Variants in PPM1L observed in about 807,000 individuals in gnomAD.
PPM1L encodes protein phosphatase 1L.
A neutral mutation model predicts 31.4 loss-of-function variants in PPM1L; 13 were observed. That is an observed-to-expected ratio of 0.41 (90% CI 0.27 to 0.66). PPM1L has a LOEUF of 0.66. Among genes scored for constraint, PPM1L ranks in the 30% least tolerant of loss-of-function variants. The pLI, the probability that PPM1L is intolerant of heterozygous loss-of-function variation, is 0.29. For missense variants in PPM1L, 326 were observed against 453.7 expected, an observed-to-expected ratio of 0.72 and a Z score of 2.56; for synonymous variants, 184 against 175.4, an observed-to-expected ratio of 1.05 and a Z score of -0.39.
intron 1 of PPM1L, among the ~76,000 whole-genome samples, chr3:160,944,487 G>T (rs1020969811): frequency 1.3e-5 from 2 of 150,234 alleles, no homozygotes; most frequent in Non-Finnish European, 3.0e-5. Flanking sequence ...ACTGCTAAAA[G>T]ACTACAATTT....
chr3:160,912,996 A>G (rs1212499327), intron 1 of PPM1L, among the ~76,000 whole-genome samples: 1 of 152,204 alleles, frequency 6.6e-6, no homozygotes, highest in African/African-American at 2.4e-5. Flanking sequence ...TGGTGGCATT[A>G]CATACTGTGA....
At chr3:160,835,010 T>TTACTAC (rs934250628) in intron 1 of PPM1L, among the ~76,000 whole-genome samples, 2 of 143,008 alleles carry the variant, frequency 1.4e-5, no homozygotes, top group Non-Finnish European at 3.0e-5. Flanking sequence ...TGACAACCTA[T>TTACTAC]TACTACTACT....
chr3:160,939,730 A>C (rs2108086260), intron 1 of PPM1L: 1 of 167,052 alleles, frequency 6.0e-6, no homozygotes, highest in Admixed American at 6.4e-5. Context: ...AAATCCAATT[A>C]AACCTCTTTT....
chr3:160,973,407 C>G (rs556246773), intron 2 of PPM1L, among the ~76,000 whole-genome samples: 1 of 152,216 alleles, frequency 6.6e-6, no homozygotes, highest in Non-Finnish European at 1.5e-5. Context: ...ATGCCAATGC[C>G]ATCGGTATCT....
intron 1 of PPM1L, among the ~76,000 whole-genome samples, chr3:160,914,322 G>A (rs540409092): frequency 3.6e-4 from 55 of 152,058 alleles, no homozygotes; most frequent in African/African-American, 1.3e-3. Flanking sequence ...AAGTTTTAGG[G>A]TACATGTGCA....
intron 2 of PPM1L, among the ~76,000 whole-genome samples, chr3:161,003,682 T>C (rs531148460): frequency 6.6e-6 from 1 of 152,338 alleles, no homozygotes; most frequent in East Asian, 1.9e-4. Flanking sequence ...TTTTTGTACA[T>C]TGATTTTGTA....
At position 161,073,727 on chromosome 3, in the gene PPM1L, A is replaced by C. The variant is rs961597027; in HGVS notation, c.*4570A>C. 1 of 152,218 alleles carries C rather than the reference A, an allele frequency of 6.6e-6. No individual in the cohort carries two copies. Among genetic ancestry groups the C allele is most frequent in the East Asian group, 1.9e-4 (1 of 5,176 alleles). 9.4% of individuals were successfully genotyped at this position (152,218 alleles called of 1,614,324 possible). On this transcript the variant is annotated 3_prime_UTR_variant, in exon 4 of 4. Transcript: ENST00000498165. ...CAGGCGGCCTCCACCACACCTGGCT[A>C]ATTTTTTGTATTTTTAGTAGAGACG...
intron 2 of PPM1L, among the ~76,000 whole-genome samples, chr3:160,972,357 A>T (rs1246695528): frequency 1.1e-4 from 8 of 71,728 alleles, no homozygotes; most frequent in Non-Finnish European, 1.3e-4. Context: ...CCCTCCCCCC[A>T]CCCCACAACA....
chr3:160,872,184 G>A (rs1301851265), intron 1 of PPM1L, among the ~76,000 whole-genome samples: 1 of 152,124 alleles, frequency 6.6e-6, no homozygotes, highest in Admixed American at 6.5e-5. Flanking sequence ...CAGTTTTTGG[G>A]GGCAAAGAGA....
intron 1 of PPM1L, among the ~76,000 whole-genome samples, chr3:160,865,947 T>G (rs1712071808): frequency 6.6e-6 from 1 of 152,210 alleles, no homozygotes; most frequent in South Asian, 2.1e-4. Context: ...TAAATATGTA[T>G]CTCTTAGCAT....
intron 2 of PPM1L, among the ~76,000 whole-genome samples, chr3:160,968,236 T>C (rs922967500): frequency 1.3e-5 from 2 of 152,236 alleles, no homozygotes; most frequent in African/African-American, 4.8e-5. Flanking sequence ...TGTATTAGCA[T>C]GTATTAATAC....
chr3:160,782,468 G>A (rs1036699513), intron 1 of PPM1L, among the ~76,000 whole-genome samples: 1 of 152,120 alleles, frequency 6.6e-6, no homozygotes. Context: ...GACAAAGTTG[G>A]CCTGTGCTTT....
At chr3:160,916,485 A>C (rs1422219952) in intron 1 of PPM1L, among the ~76,000 whole-genome samples, 1 of 152,182 alleles carries the variant, frequency 6.6e-6, no homozygotes, top group Non-Finnish European at 1.5e-5. Context: ...AATGTAACAC[A>C]TCTGCTATGA....
rs1227427765 is a variant in PPM1L at position 161,076,216 on chromosome 3, C to G, written c.*7059C>G. 1 of 152,134 alleles carries G rather than the reference C, an allele frequency of 6.6e-6. No individual in the cohort carries two copies. Among genetic ancestry groups the G allele is most frequent in the Admixed American group, 6.5e-5 (1 of 15,282 alleles). 9.4% of individuals were successfully genotyped at this position (152,134 alleles called of 1,614,324 possible). A position where few individuals can be genotyped will look rare whatever the true frequency, so the allele number is the denominator to read the frequency against. ...CATCTCTAACCCAAGAAAAAGATGT[C>G]TTTTGTATAACTTTTAAATTCCCAT... On this transcript the variant is annotated 3_prime_UTR_variant, in exon 4 of 4. Coordinates refer to ENST00000498165, the MANE Select transcript of PPM1L (RefSeq NM_139245.4).
intron 1 of PPM1L, among the ~76,000 whole-genome samples, chr3:160,887,018 G>T (rs774789494): frequency 3.3e-5 from 5 of 151,948 alleles, no homozygotes; most frequent in Admixed American, 6.6e-5. Context: ...GAACATAAAT[G>T]ACCTGATGGA....
intron 1 of PPM1L, among the ~76,000 whole-genome samples, chr3:160,894,003 A>T (rs1713246064): frequency 6.6e-6 from 1 of 152,178 alleles, no homozygotes; most frequent in South Asian, 2.1e-4. Context: ...GGCTAATGTA[A>T]GTGTTCTGAG....
intron 1 of PPM1L, among the ~76,000 whole-genome samples, chr3:160,759,341 C>G (rs1487850570): frequency 6.6e-6 from 1 of 152,172 alleles, no homozygotes; most frequent in Non-Finnish European, 1.5e-5. Flanking sequence ...TTGTAGTACT[C>G]TTTAGATGCA....
At chr3:160,976,852 G>GT (rs1169369946) in intron 2 of PPM1L, among the ~76,000 whole-genome samples, 9 of 152,088 alleles carry the variant, frequency 5.9e-5, no homozygotes, top group South Asian at 2.1e-4. Context: ...TTTTTGAAGG[G>GT]TTTTTTGTGT....
At chr3:161,017,313 A>G (rs559408031) in intron 2 of PPM1L, among the ~76,000 whole-genome samples, 5 of 152,310 alleles carry the variant, frequency 3.3e-5, no homozygotes, top group Middle Eastern at 3.4e-3. Context: ...CAGAACTCCA[A>G]GGAATTTGAG....
Sources: gnomAD v4.1 joint callset for allele counts (sites outside exome capture counted in the v4.1 genomes callset) on GRCh38, gnomAD v4.1.1 for gene constraint, MANE v1.5 for transcripts, NCBI Gene and HGNC (gene_info 2026-07-23, HGNC 2026-07-21) for gene names.